RASAL2: variants seen among roughly 807,000 people sequenced by gnomAD.
The protein encoded by RASAL2 is RAS protein activator like 2.
In RASAL2, 58 loss-of-function variants were observed where a neutral mutation model predicts 128.9. The observed-to-expected ratio is 0.45, with a 90% CI of 0.36 to 0.56. The LOEUF is 0.56. Ranked by LOEUF, RASAL2 falls within the 20% of genes least tolerant of loss-of-function variation. RASAL2 has a pLI of 0.00. For synonymous variants in RASAL2, 561 were observed against 580.8 expected (o/e 0.97, Z 0.49); for missense variants, 1,360 against 1,601.6 (o/e 0.85, Z 2.57).
At chr1:178,220,575 T>C (rs1663580708) in intron 1 of RASAL2, among the ~76,000 whole-genome samples, 1 of 152,192 alleles carries the variant, frequency 6.6e-6, no homozygotes, top group Non-Finnish European at 1.5e-5. Flanking sequence ...ACAGACCTGA[T>C]TGACACAGGG....
At chr1:178,276,625 C>T in intron 1 of RASAL2, among the ~76,000 whole-genome samples, 1 of 151,720 alleles carries the variant, frequency 6.6e-6, no homozygotes, top group Non-Finnish European at 1.5e-5. Flanking sequence ...GATCCTCCTG[C>T]CTTAGCCTCC....
chr1:178,374,146 C>A (rs1274922372), intron 3 of RASAL2, among the ~76,000 whole-genome samples: 1 of 152,126 alleles, frequency 6.6e-6, no homozygotes, highest in East Asian at 1.9e-4. Context: ...ACACCTCCAT[C>A]TGTGGATAAA....
chr1:178,123,041 A>T (rs1659773422), intron 1 of RASAL2: 1 of 152,198 alleles, frequency 6.6e-6, no homozygotes, highest in Non-Finnish European at 1.5e-5. Flanking sequence ...GTGTTTTACA[A>T]AATGAGTTTT....
chr1:178,313,399 T>G (rs1008937804), intron 3 of RASAL2, among the ~76,000 whole-genome samples: 12 of 152,208 alleles, frequency 7.9e-5, no homozygotes, highest in African/African-American at 2.9e-4. Flanking sequence ...TGGTTGCTTC[T>G]GCAGAAGGAA....
intron 3 of RASAL2, among the ~76,000 whole-genome samples, chr1:178,386,742 CTG>C (rs1672594942): frequency 6.6e-6 from 1 of 152,112 alleles, no homozygotes; most frequent in Admixed American, 6.6e-5. Context: ...TTTAAAATGA[CTG>C]TAATTAAATA....
At chr1:178,414,738 G>T (rs2102720874) in intron 4 of RASAL2, among the ~76,000 whole-genome samples, 1 of 152,176 alleles carries the variant, frequency 6.6e-6, no homozygotes, top group East Asian at 1.9e-4. Context: ...TCTGGGCCTG[G>T]TGCTTCTGTT....
At chr1:178,263,586 C>G (rs938312952) in intron 1 of RASAL2, among the ~76,000 whole-genome samples, 1 of 152,190 alleles carries the variant, frequency 6.6e-6, no homozygotes, top group African/African-American at 2.4e-5. Context: ...AGAAATTGCT[C>G]TCAACTCTTT....
At chr1:178,472,960 G>T (rs1282910493) in intron 17 of RASAL2, 115 bp from the exon 18 acceptor site, 10 of 1,231,428 alleles carry the variant, frequency 8.1e-6, no homozygotes, top group Non-Finnish European at 1.2e-5. Context: ...CCATTTGTCT[G>T]GGAAGCACCA....
At chr1:178,098,203 T>A (rs1658762157) in intron 1 of RASAL2, among the ~76,000 whole-genome samples, 1 of 152,212 alleles carries the variant, frequency 6.6e-6, no homozygotes, top group African/African-American at 2.4e-5. Context: ...GTCTGCCAGA[T>A]TGGTACCTTG....
intron 1 of RASAL2, among the ~76,000 whole-genome samples, chr1:178,110,835 G>A (rs1659293934): frequency 6.6e-6 from 1 of 151,678 alleles, no homozygotes; most frequent in Admixed American, 6.6e-5. Context: ...CAATCCGTCT[G>A]CCTCAGCCTC....
At chr1:178,257,783 A>G (rs571705721) in intron 1 of RASAL2, among the ~76,000 whole-genome samples, 4 of 151,184 alleles carry the variant, frequency 2.6e-5, no homozygotes, top group Admixed American at 1.3e-4. Context: ...TGAGGCTGCA[A>G]TGAGCCATGA....
chr1:178,096,766 G>A (rs1272653572), intron 1 of RASAL2, among the ~76,000 whole-genome samples: 1 of 151,960 alleles, frequency 6.6e-6, no homozygotes, highest in African/African-American at 2.4e-5. Flanking sequence ...CAATTAACCA[G>A]AAGTTGTTTT....
chr1:178,307,116 T>A (rs1369417738), intron 3 of RASAL2, among the ~76,000 whole-genome samples: 2 of 151,952 alleles, frequency 1.3e-5, no homozygotes, highest in Non-Finnish European at 2.9e-5. Context: ...TTTCATTTTT[T>A]AAAAAAAGGT....
chr1:178,298,912 A>G (rs76205229), intron 2 of RASAL2, among the ~76,000 whole-genome samples: 2 of 144,218 alleles, frequency 1.4e-5, no homozygotes, highest in African/African-American at 2.7e-5. Context: ...GGATTACCAG[A>G]AAAAAAAAAC....
At chr1:178,276,803 C>T (rs550791471) in intron 1 of RASAL2, among the ~76,000 whole-genome samples, 13 of 152,158 alleles carry the variant, frequency 8.5e-5, no homozygotes, top group Non-Finnish European at 2.9e-5. Context: ...ATCTGCATGT[C>T]AGGGGCAAGG....
At chr1:178,434,061 C>T (rs1231698008) in intron 5 of RASAL2, among the ~76,000 whole-genome samples, 1 of 152,092 alleles carries the variant, frequency 6.6e-6, no homozygotes, top group Non-Finnish European at 1.5e-5. Flanking sequence ...AGTCTGTCCA[C>T]TCTTACTGGT....
chr1:178,382,682 G>A (rs1672347225), intron 3 of RASAL2, among the ~76,000 whole-genome samples: 2 of 152,126 alleles, frequency 1.3e-5, no homozygotes, highest in Non-Finnish European at 2.9e-5. Flanking sequence ...TGTAAAACAT[G>A]TAGCAAATAA....
intron 14 of RASAL2, among the ~76,000 whole-genome samples, chr1:178,463,977 A>G (rs1463204060): frequency 6.6e-6 from 1 of 152,214 alleles, no homozygotes; most frequent in African/African-American, 2.4e-5. Context: ...GTTACCTACC[A>G]GTATTTGGAC....
intron 3 of RASAL2, among the ~76,000 whole-genome samples, chr1:178,347,402 G>A (rs1489708576): frequency 6.6e-6 from 1 of 152,050 alleles, no homozygotes; most frequent in Non-Finnish European, 1.5e-5. Context: ...TGTTGCTTAT[G>A]TTACATTTTC....
Sources: allele counts gnomAD v4.1 joint callset (sites outside exome capture counted in the v4.1 genomes callset), GRCh38; gene constraint gnomAD v4.1.1; transcripts MANE v1.5; gene names NCBI Gene and HGNC (gene_info 2026-07-23, HGNC 2026-07-21).